The following CNTNAP2 variants were observed in gnomAD, a reference collection of about 807,000 sequenced individuals.
CNTNAP2 encodes the protein contactin associated protein 2.
CNTNAP2 carries 98 observed loss-of-function variants against 155.2 expected under a neutral mutation model. The ratio of observed to expected loss-of-function variants is 0.63; its 90% CI spans 0.54 to 0.75. CNTNAP2 has a LOEUF of 0.75. Ranked by LOEUF, CNTNAP2 falls within the 30% of genes least tolerant of loss-of-function variation. CNTNAP2 has a pLI of 0.00. For synonymous variants in CNTNAP2, 651 were observed against 631.2 expected, an observed-to-expected ratio of 1.03 and a Z score of -0.47; for missense variants, 1,727 against 1,688.1, an observed-to-expected ratio of 1.02 and a Z score of -0.40.
intron 13 of CNTNAP2, among the ~76,000 whole-genome samples, chr7:147,894,957 CTTTCTTTCT>C (rs1464820429): frequency 2.2e-3 from 139 of 62,858 alleles, no homozygotes; most frequent in African/African-American, 0.011. Context: ...TTCTTTCTTT[CTTTCTTTCT>C]TTTTTTTTTT....
chr7:147,131,174 A>G (rs890208207), intron 7 of CNTNAP2, among the ~76,000 whole-genome samples: 1 of 150,702 alleles, frequency 6.6e-6, no homozygotes, highest in African/African-American at 2.4e-5. Flanking sequence ...TATGTACCAT[A>G]TACATATACA....
At chr7:148,095,619 C>G (rs369252691) in intron 15 of CNTNAP2, among the ~76,000 whole-genome samples, 18 of 152,170 alleles carry the variant, frequency 1.2e-4, no homozygotes, top group African/African-American at 3.9e-4. Flanking sequence ...TTTCAGCAAG[C>G]CTTGCAGATG....
At chr7:148,183,757 C>T (rs1795076794) in intron 18 of CNTNAP2, among the ~76,000 whole-genome samples, 1 of 152,156 alleles carries the variant, frequency 6.6e-6, no homozygotes, top group Admixed American at 6.5e-5. Flanking sequence ...GCTGGGATTA[C>T]AGTCATGAGC....
chr7:146,767,204 G>A (rs2129184823), intron 1 of CNTNAP2, among the ~76,000 whole-genome samples: 1 of 152,160 alleles, frequency 6.6e-6, no homozygotes, highest in Non-Finnish European at 1.5e-5. Context: ...ACCTGTTTTA[G>A]CAATGACCTA....
At chr7:146,369,010 T>A (rs928532554) in intron 1 of CNTNAP2, among the ~76,000 whole-genome samples, 5 of 143,528 alleles carry the variant, frequency 3.5e-5, no homozygotes, top group Non-Finnish European at 7.5e-5. Flanking sequence ...TAAAATAAAA[T>A]TTGGAATAAA....
At chr7:148,267,328 T>C (rs1796691361) in intron 21 of CNTNAP2, among the ~76,000 whole-genome samples, 1 of 152,172 alleles carries the variant, frequency 6.6e-6, no homozygotes, top group Admixed American at 6.5e-5. Flanking sequence ...ATTGCTCATG[T>C]AACTCATTCT....
At chr7:147,408,919 G>A (rs1331410363) in intron 10 of CNTNAP2, among the ~76,000 whole-genome samples, 1 of 152,204 alleles carries the variant, frequency 6.6e-6, no homozygotes, top group African/African-American at 2.4e-5. Flanking sequence ...AATTACTGCA[G>A]TAGAACCAGG....
intron 8 of CNTNAP2, among the ~76,000 whole-genome samples, chr7:147,143,838 C>G (rs1287334055): frequency 1.3e-5 from 2 of 151,890 alleles, no homozygotes; most frequent in Non-Finnish European, 2.9e-5. Context: ...AAAATGAAAG[C>G]GTGTATACAT....
At chr7:147,647,323 G>C (rs747695882) in intron 13 of CNTNAP2, among the ~76,000 whole-genome samples, 1 of 150,460 alleles carries the variant, frequency 6.6e-6, no homozygotes, top group Non-Finnish European at 1.5e-5. Flanking sequence ...TTTTTTTAAC[G>C]AGGGTCAGAG....
At chr7:147,586,543 AAGGGAGGGAGGGAGGGAGGGAGGG>A (rs751000962) in intron 12 of CNTNAP2, among the ~76,000 whole-genome samples, 1 of 48,878 alleles carries the variant, frequency 2.0e-5, no homozygotes, top group Non-Finnish European at 4.1e-5. Context: ...GGAAGGAAGG[AAGGGAGGGAGGGAGGGAGGGAGGG>A]AGGGAGGGAG....
rs1252919325 is a variant in CNTNAP2, at chr7:146,303,071, CATGTGT to C, written c.97+186099_97+186104del. 1.1e-3 allele frequency among the ~76,000 whole-genome samples: 140 copies of C among 128,216 alleles called. 2 individuals are homozygous for C. Among genetic ancestry groups the C allele is most frequent in the African/African-American group, 5.0e-3 (134 of 26,686 alleles). 84.1% of individuals were successfully genotyped at this position (128,216 alleles called of 152,430 possible). A position where few individuals can be genotyped will look rare whatever the true frequency, so the allele number is the denominator to read the frequency against. On this transcript the variant is annotated intron_variant, in intron 1 of 23. Coordinates refer to ENST00000361727, the MANE Select transcript of CNTNAP2 (RefSeq NM_014141.6). ...GAGAAACTAGGTACACCTTTGTGTGCATGTGTGTGTGTGTGTGTGTGTGTGTGTGTG... is the reference window on the plus strand; with the variant it reads ...GAGAAACTAGGTACACCTTTGTGTGCGTGTGTGTGTGTGTGTGTGTGTGTG...
At chr7:147,886,340 T>A (rs990511977) in intron 13 of CNTNAP2, among the ~76,000 whole-genome samples, 3 of 151,762 alleles carry the variant, frequency 2.0e-5, no homozygotes, top group Admixed American at 6.6e-5. Context: ...CCAGGTGTGG[T>A]GGCAGGCACC....
intron 13 of CNTNAP2, among the ~76,000 whole-genome samples, chr7:147,730,106 G>A (rs75263336): frequency 0.064 from 9,792 of 152,152 alleles, 344 homozygotes; most frequent in African/African-American, 0.091. Context: ...TAATGAGTTA[G>A]CACATCTGAT....
rs1563130855 is a variant in CNTNAP2, at chr7:146,550,417, T to TG, written c.98-223854_98-223853insG. Among the ~76,000 whole-genome samples the TG allele has an allele frequency of 6.7e-5, 9 of 134,600 alleles. No homozygotes were observed. The East Asian group carries it at 8.4e-4, about 12-fold the overall frequency. The allele number at this position is 134,600 out of a possible 152,430, so 88.3% of individuals were successfully genotyped here. Reference sequence around the variant, plus strand: ...CATTAATCTGTTTTTTTTTTTTTTTTTTTTTTTTTTTTATAAAGTACCCGA... The same window carrying TG: ...CATTAATCTGTTTTTTTTTTTTTTTTGTTTTTTTTTTTTATAAAGTACCCGA... On this transcript the variant is annotated intron_variant, in intron 1 of 23. Coordinates refer to ENST00000361727, the MANE Select transcript of CNTNAP2 (RefSeq NM_014141.6).
intron 9 of CNTNAP2, among the ~76,000 whole-genome samples, chr7:147,356,751 T>C (rs1796069155): frequency 6.6e-6 from 1 of 152,106 alleles, no homozygotes; most frequent in Admixed American, 6.6e-5. Flanking sequence ...CCATTGACCA[T>C]TTTTTCATGA....
intron 8 of CNTNAP2, among the ~76,000 whole-genome samples, chr7:147,295,165 C>T (rs1305706402): frequency 6.6e-6 from 1 of 152,046 alleles, no homozygotes; most frequent in African/African-American, 2.4e-5. Flanking sequence ...AGACCTGATG[C>T]TGTATGAGAT....
At chr7:148,379,631 T>C (rs1799008472) in intron 21 of CNTNAP2, among the ~76,000 whole-genome samples, 1 of 152,192 alleles carries the variant, frequency 6.6e-6, no homozygotes, top group Non-Finnish European at 1.5e-5. Flanking sequence ...GAGGATTGCT[T>C]GAGCCCGGGA....
intron 2 of CNTNAP2, among the ~76,000 whole-genome samples, chr7:146,782,416 C>G (rs534557933): frequency 6.6e-6 from 1 of 152,120 alleles, no homozygotes; most frequent in East Asian, 1.9e-4. Flanking sequence ...CTGATTTTGT[C>G]GGCTCTGAGG....
At chr7:148,157,849 A>G (rs1020487459) in intron 17 of CNTNAP2, among the ~76,000 whole-genome samples, 1 of 152,232 alleles carries the variant, frequency 6.6e-6, no homozygotes, top group African/African-American at 2.4e-5. Flanking sequence ...GCTGGACAAA[A>G]TCTAGCAAAA....
Sources: allele counts gnomAD v4.1 joint callset (sites outside exome capture counted in the v4.1 genomes callset), GRCh38; gene constraint gnomAD v4.1.1; transcripts MANE v1.5; gene names NCBI Gene and HGNC (gene_info 2026-07-23, HGNC 2026-07-21).